Variants in INSL6 observed in about 807,000 individuals in gnomAD.
INSL6 encodes insulin like 6, also known as insulin-like peptide INSL6.
Under a neutral mutation model 9.4 loss-of-function variants are expected in INSL6, and 16 were observed. That is an observed-to-expected ratio of 1.70 (90% CI 1.15 to 2.59). INSL6 has a LOEUF of 2.59. Among genes scored for constraint, INSL6 ranks in the 30% most tolerant of loss-of-function variants. The probability of loss-of-function intolerance (pLI) is 0.00; values close to 1 mark genes in which losing one functional copy is unlikely to be tolerated. For missense variants in INSL6, 391 were observed against 257.3 expected (o/e 1.52, Z -3.56); for synonymous variants, 154 against 96.9 (o/e 1.59, Z -3.46).
the INSL6 span, chr9:5,100,200 A>G: frequency 6.6e-6 from 1 of 152,170 alleles, no homozygotes; most frequent in Admixed American, 6.5e-5. Flanking sequence ...ATGTCTTCAC[A>G]CTACTAGTAA....
chr9:5,084,870 C>G, the INSL6 span: 1 of 387,656 alleles, frequency 2.6e-6, no homozygotes. Flanking sequence ...AACAAATTGC[C>G]CATCAATAAG....
the INSL6 span, among the ~76,000 whole-genome samples, chr9:5,118,719 A>G: frequency 2.8e-3 from 427 of 152,326 alleles, no homozygotes; most frequent in Non-Finnish European, 4.1e-3. Flanking sequence ...GAGTTTTGTT[A>G]TAATAGTATC....
At chr9:5,077,975 G>A in the INSL6 span, among the ~76,000 whole-genome samples, 1 of 152,170 alleles carries the variant, frequency 6.6e-6, no homozygotes, top group Non-Finnish European at 1.5e-5. Context: ...CCCTCAGGGT[G>A]CACCTATGTC....
At chr9:5,031,820 C>T in the INSL6 span, among the ~76,000 whole-genome samples, 1 of 152,194 alleles carries the variant, frequency 6.6e-6, no homozygotes, top group Non-Finnish European at 1.5e-5. Flanking sequence ...GTCTACAGCT[C>T]CCAGCATGGG....
intron 2 of INSL6, among the ~76,000 whole-genome samples, chr9:5,143,381 T>G (rs576744398): frequency 2.0e-4 from 30 of 152,224 alleles, no homozygotes; most frequent in African/African-American, 6.3e-4. Flanking sequence ...TAGTGGTCTA[T>G]TCAGGGATTC....
chr9:5,164,302 A>G (rs1032669801), intron 1 of INSL6, 37 bp from the exon 2 acceptor site: 1 of 1,333,156 alleles, frequency 7.5e-7, no homozygotes, highest in Non-Finnish European at 1.1e-6. Context: ...TCCTTTATTA[A>G]AATCTTCCTT....
At position 5,185,411 on chromosome 9, in the gene INSL6, C is replaced by G; in HGVS notation, c.192G>C (p.Leu64Phe). Residue 64 changes from leucine (L) to phenylalanine (F), a missense_variant, in exon 1 of 2, where the codon TTG becomes TTC. By Grantham distance (22) the Leu-to-Phe change is conservative. Coordinates refer to ENST00000381641, the MANE Select transcript of INSL6 (RefSeq NM_007179.3). ...CGACCTTCTCCGAGGCCTGTGCAAT[C>G]AACCGTGAGAAAGGGGTTTCCTCCT... ...RFEEETPFSRLIAQASEKVEA... is the reference protein window; with the variant it reads ...RFEEETPFSRFIAQASEKVEA... 6.2e-7 allele frequency: 1 copy of G among 1,614,194 alleles called. No individual in the cohort carries two copies.
the INSL6 span, among the ~76,000 whole-genome samples, chr9:5,014,094 T>C: frequency 3.9e-5 from 6 of 152,184 alleles, no homozygotes; most frequent in East Asian, 1.2e-3. Context: ...AAATGTGATA[T>C]TTGAGGTACT....
chr9:5,175,824 T>A (rs1272557066), intron 1 of INSL6, among the ~76,000 whole-genome samples: 1 of 152,194 alleles, frequency 6.6e-6, no homozygotes, highest in African/African-American at 2.4e-5. Flanking sequence ...TGGGACCATC[T>A]GGTTTCAGGA....
chr9:5,151,875 G>C (rs1272727920), intron 2 of INSL6, among the ~76,000 whole-genome samples: 1 of 151,982 alleles, frequency 6.6e-6, no homozygotes, highest in African/African-American at 2.4e-5. Flanking sequence ...AAGAACCAAT[G>C]ACACGTTGTT....
chr9:5,076,344 G>A, the INSL6 span, among the ~76,000 whole-genome samples: 1 of 152,078 alleles, frequency 6.6e-6, no homozygotes, highest in Non-Finnish European at 1.5e-5. Flanking sequence ...GGAAGAGTCT[G>A]CAGTGAATTT....
At chr9:5,127,226 G>A (rs1402922311) in intron 3 of INSL6, 3 of 232,642 alleles carry the variant, frequency 1.3e-5, no homozygotes, top group African/African-American at 4.4e-5. Context: ...CATGAGGGCT[G>A]GTGTTCATTA....
the INSL6 span, among the ~76,000 whole-genome samples, chr9:5,086,593 TAAAA>T: frequency 6.6e-6 from 1 of 150,534 alleles, no homozygotes; most frequent in Non-Finnish European, 1.5e-5. Context: ...TTCCAATACT[TAAAA>T]AAAAAATTCC....
the INSL6 span, chr9:5,110,202 C>T: frequency 3.9e-5 from 6 of 152,364 alleles, no homozygotes; most frequent in African/African-American, 1.4e-4. Flanking sequence ...CTCAGCCCTG[C>T]TCCACTCCAG....
the INSL6 span, among the ~76,000 whole-genome samples, chr9:4,998,463 G>T: frequency 4.5e-4 from 68 of 152,112 alleles, no homozygotes; most frequent in African/African-American, 1.4e-3. Flanking sequence ...CACCATGTTG[G>T]TCAGGCTGGT....
chr9:5,012,763 G>A, the INSL6 span, among the ~76,000 whole-genome samples: 1 of 152,176 alleles, frequency 6.6e-6, no homozygotes, highest in Non-Finnish European at 1.5e-5. Context: ...TAATTTAGTA[G>A]TGGAAAGAGC....
At chr9:5,081,191 A>C in the INSL6 span, among the ~76,000 whole-genome samples, 1 of 151,868 alleles carries the variant, frequency 6.6e-6, no homozygotes, top group Non-Finnish European at 1.5e-5. Context: ...CACCGCTCCC[A>C]GCCAAAAAGA....
intron 1 of INSL6, among the ~76,000 whole-genome samples, chr9:5,183,216 G>T (rs146922259): frequency 4.6e-5 from 7 of 152,118 alleles, no homozygotes; most frequent in African/African-American, 1.7e-4. Flanking sequence ...TTCCCTTATA[G>T]ATTAATAATT....
chr9:5,033,567 G>T, the INSL6 span, among the ~76,000 whole-genome samples: 4 of 152,340 alleles, frequency 2.6e-5, no homozygotes, highest in East Asian at 7.7e-4. Flanking sequence ...CAAGCCAGAA[G>T]AGAGTGGGGG....
Sources: allele counts gnomAD v4.1 joint callset (sites outside exome capture counted in the v4.1 genomes callset), GRCh38; gene constraint gnomAD v4.1.1; transcripts MANE v1.5; gene names NCBI Gene and HGNC (gene_info 2026-07-23, HGNC 2026-07-21).